The following PTPRG variants were observed in gnomAD, a reference collection of about 807,000 sequenced individuals.
The protein encoded by PTPRG is receptor-type tyrosine-protein phosphatase gamma.
PTPRG carries 102 observed loss-of-function variants against 165.3 expected under a neutral mutation model. The observed-to-expected ratio is 0.62, with a 90% confidence interval of 0.53 to 0.73. PTPRG has a LOEUF of 0.73. Ranked by LOEUF, PTPRG falls within the 30% of genes least tolerant of loss-of-function variation. The probability of loss-of-function intolerance (pLI) is 0.00; values close to 1 mark genes in which losing one functional copy is unlikely to be tolerated. For synonymous variants in PTPRG, 675 were observed against 669.5 expected (o/e 1.01, Z -0.13); for missense variants, 1,866 against 1,861.4 (o/e 1.00, Z -0.05).
At chr3:61,929,721 T>TCTACC (rs1376017804) in intron 2 of PTPRG, among the ~76,000 whole-genome samples, 1 of 152,228 alleles carries the variant, frequency 6.6e-6, no homozygotes, top group African/African-American at 2.4e-5. Flanking sequence ...GGTGTAGATG[T>TCTACC]CTACCGCTCT....
intron 1 of PTPRG, among the ~76,000 whole-genome samples, chr3:61,747,886 G>T (rs1021944463): frequency 4.6e-5 from 7 of 151,710 alleles, no homozygotes; most frequent in Non-Finnish European, 8.8e-5. Context: ...GTGTAATTCC[G>T]TTTCATTTTG....
intron 1 of PTPRG, among the ~76,000 whole-genome samples, chr3:61,694,241 T>C (rs1279400843): frequency 6.6e-6 from 1 of 152,080 alleles, no homozygotes; most frequent in East Asian, 1.9e-4. Flanking sequence ...GAGACAGAAC[T>C]GGAATAAGGT....
intron 1 of PTPRG, among the ~76,000 whole-genome samples, chr3:61,647,791 C>CAAAAAAA (rs58020589): frequency 0.32 from 29,277 of 90,638 alleles, 6,281 homozygotes; most frequent in East Asian, 0.5. Flanking sequence ...GACTCCGTCT[C>CAAAAAAA]AAAAAAAAAA....
At chr3:61,852,214 A>G (rs2036982592) in intron 2 of PTPRG, among the ~76,000 whole-genome samples, 1 of 152,210 alleles carries the variant, frequency 6.6e-6, no homozygotes, top group Non-Finnish European at 1.5e-5. Flanking sequence ...TTCACTAAAC[A>G]TAATCTTTGA....
chr3:62,138,714 C>CAAAAA (rs563632840), intron 6 of PTPRG, among the ~76,000 whole-genome samples: 115 of 90,892 alleles, frequency 1.3e-3, no homozygotes, highest in East Asian at 3.9e-3. Context: ...GGCAAAGCTC[C>CAAAAA]AAAAAAAAAA....
Position 62,073,576 on chromosome 3 carries a change from T to C in PTPRG, c.520-4587T>C, listed in dbSNP as rs562247858. On this transcript the variant is annotated intron_variant, in intron 4 of 29. Coordinates refer to ENST00000474889, the MANE Select transcript of PTPRG (RefSeq NM_002841.4). ...TCACCACAACCTCCGTCTCCCAGGTTCAAGTGATTCTCCTGCCTCAGCCTC... is the reference window on the plus strand; with the variant it reads ...TCACCACAACCTCCGTCTCCCAGGTCCAAGTGATTCTCCTGCCTCAGCCTC... Among the ~76,000 whole-genome samples, 60 of 152,176 alleles carry C rather than the reference T, an allele frequency of 3.9e-4. 1 individual carries two copies. The South Asian group carries it at 0.012, about 29-fold the overall frequency.
chr3:61,829,735 G>T (rs1242870862), intron 2 of PTPRG, among the ~76,000 whole-genome samples: 2 of 152,068 alleles, frequency 1.3e-5, no homozygotes, highest in Admixed American at 6.6e-5. Context: ...CTTCCTTTTG[G>T]TTTTTTTAAT....
In PTPRG at chr3:62,267,458, A is replaced by T. The variant is rs752048163; in HGVS notation, c.2705A>T (p.Lys902Met). 1 of 1,612,306 alleles carries T rather than the reference A, an allele frequency of 6.2e-7. No homozygotes were observed. The highest frequency in any genetic ancestry group is 8.5e-7 in the Non-Finnish European group (1 of 1,178,574). ...KLRPLPGKDS[K>M]HSDYINANYV... ...AGACCTTTACCAGGAAAAGACTCTA[A>T]GCACAGCGACTACATTAATGCAAAC... Residue 902 changes from lysine to methionine, a missense_variant, in exon 18 of 30, where the codon AAG becomes ATG. By Grantham distance (95) the Lys-to-Met change is moderately conservative. Coordinates refer to ENST00000474889, the MANE Select transcript of PTPRG (RefSeq NM_002841.4).
intron 28 of PTPRG, among the ~76,000 whole-genome samples, chr3:62,286,578 T>C (rs1553669010): frequency 1.3e-5 from 2 of 151,956 alleles, no homozygotes; most frequent in East Asian, 3.9e-4. Context: ...AAAACATTAC[T>C]GTACTTCAGG....
At chr3:61,687,066 G>A (rs1422995155) in intron 1 of PTPRG, among the ~76,000 whole-genome samples, 2 of 152,122 alleles carry the variant, frequency 1.3e-5, no homozygotes, top group Non-Finnish European at 2.9e-5. Context: ...GTTGACCACT[G>A]GGACTAGCAA....
chr3:61,963,376 G>A (rs2040197253), intron 2 of PTPRG, among the ~76,000 whole-genome samples: 1 of 151,980 alleles, frequency 6.6e-6, no homozygotes, highest in South Asian at 2.1e-4. Context: ...ATGAACTGCA[G>A]TAAAAGATAT....
chr3:62,141,698 G>A (rs908215525), intron 6 of PTPRG, among the ~76,000 whole-genome samples: 2 of 151,338 alleles, frequency 1.3e-5, no homozygotes, highest in African/African-American at 2.4e-5. Flanking sequence ...TCAGGAGTTC[G>A]AGACCAGCCT....
chr3:61,684,437 A>T (rs1300544366), intron 1 of PTPRG, among the ~76,000 whole-genome samples: 3 of 152,216 alleles, frequency 2.0e-5, no homozygotes, highest in Non-Finnish European at 4.4e-5. Context: ...TTTTAAAAAT[A>T]TAGTCATTTC....
chr3:61,838,506 C>A (rs544483959), intron 2 of PTPRG, among the ~76,000 whole-genome samples: 2 of 152,208 alleles, frequency 1.3e-5, no homozygotes, highest in East Asian at 3.9e-4. Context: ...TATTTTGGCC[C>A]CACATGGTGA....
intron 1 of PTPRG, among the ~76,000 whole-genome samples, chr3:61,640,498 A>G (rs978095424): frequency 9.8e-5 from 15 of 152,318 alleles, no homozygotes; most frequent in African/African-American, 3.6e-4. Context: ...CTTTTTGCAC[A>G]TTACCATATT....
In PTPRG at chr3:61,664,270, A is replaced by G. The variant is rs1272098731; in HGVS notation, c.86-84608A>G. Among the ~76,000 whole-genome samples the G allele has an allele frequency of 2.6e-5, 4 of 152,118 alleles. No individual in the cohort carries two copies. The East Asian group carries it at 5.8e-4, about 22-fold the overall frequency. ...CCCCTCGCATTTTTAAGAAGGTAAC[A>G]TTACAGTTGTGAGTCATAGTTACCC... is the stretch of plus-strand genomic sequence containing the variant. On this transcript the variant is annotated intron_variant, in intron 1 of 29. Coordinates refer to ENST00000474889, the MANE Select transcript of PTPRG (RefSeq NM_002841.4).
chr3:62,132,527 T>C, intron 5 of PTPRG, 75 bp from the exon 6 acceptor site: 2 of 1,203,060 alleles, frequency 1.7e-6, no homozygotes. Flanking sequence ...CCCCCTTCTC[T>C]TTAGAAGATT....
intron 12 of PTPRG, among the ~76,000 whole-genome samples, chr3:62,204,299 G>T (rs925798476): frequency 6.6e-6 from 1 of 152,128 alleles, no homozygotes. Context: ...ATTATATAAT[G>T]TATCTACAAA....
chr3:62,077,951 T>G (rs1231380934), intron 4 of PTPRG, among the ~76,000 whole-genome samples: 1 of 150,428 alleles, frequency 6.6e-6, no homozygotes, highest in Non-Finnish European at 1.5e-5. Context: ...TGAGCTGAGA[T>G]TGAGTCACTG....
Sources: gnomAD v4.1 joint callset for allele counts (sites outside exome capture counted in the v4.1 genomes callset) on GRCh38, gnomAD v4.1.1 for gene constraint, MANE v1.5 for transcripts, NCBI Gene and HGNC (gene_info 2026-07-23, HGNC 2026-07-21) for gene names.